Variants in SLC24A2 observed in about 807,000 individuals in gnomAD.
SLC24A2 encodes the protein solute carrier family 24 member 2.
In SLC24A2, 36 loss-of-function variants were observed where a neutral mutation model predicts 62.0. The observed-to-expected ratio is 0.58, with a 90% CI of 0.44 to 0.77. The LOEUF (loss-of-function observed/expected upper bound fraction) is 0.77. Among genes scored for constraint, SLC24A2 ranks in the 30% least tolerant of loss-of-function variants. The pLI, the probability that SLC24A2 is intolerant of heterozygous loss-of-function variation, is 0.00. For synonymous variants in SLC24A2, 358 were observed against 294.0 expected, an observed-to-expected ratio of 1.22 and a Z score of -2.23; for missense variants, 846 against 817.9, an observed-to-expected ratio of 1.03 and a Z score of -0.42.
the SLC24A2 span, among the ~76,000 whole-genome samples, chr9:20,005,276 T>C: frequency 2.6e-5 from 4 of 152,136 alleles, no homozygotes; most frequent in Non-Finnish European, 4.4e-5. Context: ...TGGGAAATTA[T>C]CCCATAGCAA....
chr9:19,663,043 G>C (rs959136701), intron 2 of SLC24A2, among the ~76,000 whole-genome samples: 2 of 152,208 alleles, frequency 1.3e-5, no homozygotes, highest in African/African-American at 4.8e-5. Context: ...TCTGAGCTAA[G>C]ATACGCTCTG....
chr9:20,230,504 A>G, the SLC24A2 span, among the ~76,000 whole-genome samples: 2 of 152,118 alleles, frequency 1.3e-5, no homozygotes, highest in African/African-American at 4.8e-5. Context: ...CCATTTTTTC[A>G]TGTGTCTTTT....
the SLC24A2 span, among the ~76,000 whole-genome samples, chr9:19,965,578 C>G: frequency 1.2e-4 from 19 of 152,284 alleles, no homozygotes; most frequent in African/African-American, 4.6e-4. Context: ...GTAGTTTTAA[C>G]CACCCGGTGA....
chr9:19,558,481 A>ATTT (rs1211324268), intron 7 of SLC24A2, among the ~76,000 whole-genome samples: 1 of 152,124 alleles, frequency 6.6e-6, no homozygotes, highest in East Asian at 1.9e-4. Flanking sequence ...AGGGCTTGTG[A>ATTT]TTTTATGTGC....
chr9:20,186,878 T>C, the SLC24A2 span, among the ~76,000 whole-genome samples: 1 of 152,204 alleles, frequency 6.6e-6, no homozygotes, highest in Non-Finnish European at 1.5e-5. Context: ...ATTACATCCA[T>C]GCCTGTTTCT....
the SLC24A2 span, among the ~76,000 whole-genome samples, chr9:20,068,057 C>CTTTTTTTTTTTTTT: frequency 1.1e-5 from 1 of 89,742 alleles, no homozygotes. Flanking sequence ...TTTTTTGACT[C>CTTTTTTTTTTTTTT]TTTTTTTTTT....
chr9:19,744,495 A>G (rs1358432616), intron 2 of SLC24A2, among the ~76,000 whole-genome samples: 2 of 152,114 alleles, frequency 1.3e-5, no homozygotes, highest in African/African-American at 4.8e-5. Context: ...TGAGTCATCA[A>G]AGAAGGGAAG....
chr9:19,546,142 C>T (rs1467343907), intron 8 of SLC24A2, among the ~76,000 whole-genome samples: 4 of 152,298 alleles, frequency 2.6e-5, no homozygotes, highest in East Asian at 1.9e-4. Context: ...GGTCTGTTGG[C>T]CCCTACTGGG....
At chr9:19,831,713 C>T in the SLC24A2 span, among the ~76,000 whole-genome samples, 1 of 152,154 alleles carries the variant, frequency 6.6e-6, no homozygotes, top group Non-Finnish European at 1.5e-5. Context: ...ACAAAGACTT[C>T]TGGTAGTGAG....
At chr9:19,779,814 T>C (rs967530597) in intron 2 of SLC24A2, among the ~76,000 whole-genome samples, 2 of 152,154 alleles carry the variant, frequency 1.3e-5, no homozygotes, top group African/African-American at 4.8e-5. Context: ...AATCCGAGCA[T>C]TTTGGGAGGC....
intron 7 of SLC24A2, among the ~76,000 whole-genome samples, chr9:19,559,121 C>A (rs1306041574): frequency 1.3e-5 from 2 of 152,128 alleles, no homozygotes; most frequent in African/African-American, 4.8e-5. Context: ...AGTGAACACT[C>A]AAACATTCAA....
chr9:19,891,272 G>A, the SLC24A2 span, among the ~76,000 whole-genome samples: 3 of 152,210 alleles, frequency 2.0e-5, no homozygotes, highest in African/African-American at 7.2e-5. Flanking sequence ...ATAGGTCAGA[G>A]CATGTCACTG....
the SLC24A2 span, among the ~76,000 whole-genome samples, chr9:20,072,941 G>A: frequency 1.3e-5 from 2 of 152,078 alleles, no homozygotes; most frequent in African/African-American, 2.4e-5. Context: ...AAGCCACTAA[G>A]TTTGTGCTGA....
intron 2 of SLC24A2, among the ~76,000 whole-genome samples, chr9:19,767,013 G>A (rs1448508920): frequency 6.6e-6 from 1 of 152,194 alleles, no homozygotes; most frequent in Admixed American, 6.5e-5. Flanking sequence ...AATATAGAGA[G>A]GCAGTCTGGC....
the SLC24A2 span, among the ~76,000 whole-genome samples, chr9:20,021,479 G>C: frequency 6.6e-6 from 1 of 151,782 alleles, no homozygotes; most frequent in African/African-American, 2.4e-5. Context: ...ATCCACAAAA[G>C]CCACAGCACC....
the SLC24A2 span, among the ~76,000 whole-genome samples, chr9:20,083,686 G>A: frequency 0.042 from 6,436 of 152,272 alleles, 182 homozygotes; most frequent in Middle Eastern, 0.099. Context: ...GCTCATATTT[G>A]CAGTGGCCAG....
chr9:19,632,468 C>T lies in SLC24A2; in HGVS notation c.931-10169G>A, dbSNP rs1422575244. On this transcript the variant is annotated intron_variant, in intron 2 of 10. Coordinates refer to ENST00000341998, the MANE Select transcript of SLC24A2 (RefSeq NM_020344.4). The surrounding 1 kb of genome is among the most constrained non-coding windows in gnomAD (Gnocchi z 4.5). ...GCTTTCACGGAGTGTATATTCTAGC[C>T]TAGATCTCACTTCCAAGACACATTC... is the stretch of plus-strand genomic sequence containing the variant. Among the ~76,000 whole-genome samples the T allele has an allele frequency of 1.3e-5, 2 of 152,156 alleles. No individual in the cohort carries two copies. The highest frequency in any genetic ancestry group is 4.8e-5 in the African/African-American group (2 of 41,416).
the SLC24A2 span, among the ~76,000 whole-genome samples, chr9:19,903,623 T>A: frequency 4.6e-5 from 7 of 152,212 alleles, no homozygotes; most frequent in Admixed American, 4.6e-4. Flanking sequence ...GGAAGCACTT[T>A]ATGATCCTCA....
chr9:20,149,455 C>A, the SLC24A2 span, among the ~76,000 whole-genome samples: 4 of 151,720 alleles, frequency 2.6e-5, no homozygotes, highest in African/African-American at 9.7e-5. Flanking sequence ...TCCTTAGGGT[C>A]ATGTCTAAGA....
Sources: allele counts gnomAD v4.1 joint callset (sites outside exome capture counted in the v4.1 genomes callset), GRCh38; gene constraint gnomAD v4.1.1; non-coding constraint Gnocchi (gnomAD v3.1); transcripts MANE v1.5; gene names NCBI Gene and HGNC (gene_info 2026-07-23, HGNC 2026-07-21).